Variants in PACS1 observed in about 807,000 individuals in gnomAD.
PACS1 encodes phosphofurin acidic cluster sorting protein 1, also known as PACS-1.
A neutral mutation model predicts 115.0 loss-of-function variants in PACS1; 24 were observed. The ratio of observed to expected loss-of-function variants is 0.21; its 90% confidence interval spans 0.15 to 0.29. The LOEUF is 0.29. Among genes scored for constraint, PACS1 ranks in the 10% least tolerant of loss-of-function variants. PACS1 has a pLI of 1.00. For missense variants in PACS1, 838 were observed against 1,251.2 expected, an observed-to-expected ratio of 0.67 and a Z score of 4.98; for synonymous variants, 453 against 504.5, an observed-to-expected ratio of 0.90 and a Z score of 1.37.
chr11:66,160,799 G>A (rs946650904), intron 1 of PACS1, among the ~76,000 whole-genome samples: 2 of 151,558 alleles, frequency 1.3e-5, no homozygotes, highest in African/African-American at 2.4e-5. Context: ...TGGGATTATA[G>A]GTGTGAGCCA....
chr11:66,183,530 G>A (rs565932648), intron 1 of PACS1, among the ~76,000 whole-genome samples: 1 of 152,196 alleles, frequency 6.6e-6, no homozygotes, highest in Admixed American at 6.5e-5. Flanking sequence ...GGACAAAGGA[G>A]TAATCCAGGT....
At position 66,070,301 on chromosome 11, in the gene PACS1, G is replaced by T. The variant is rs1208429584; in HGVS notation, c.-186G>T. On this transcript the variant is annotated 5_prime_UTR_variant, in exon 1 of 24. Transcript: ENST00000320580. The surrounding 1 kb of genome is among the most constrained non-coding windows in gnomAD (Gnocchi z 5.9). ...GTGTCGGCCTCGCGAGCCGCAACAGGCAGCGGCGGTCGAGCGCGAGGCCCG... is the reference window on the plus strand; with the variant it reads ...GTGTCGGCCTCGCGAGCCGCAACAGTCAGCGGCGGTCGAGCGCGAGGCCCG... 2.2e-5 allele frequency: 4 copies of T among 181,760 alleles called. No individual in the cohort carries two copies. Among genetic ancestry groups the T allele is most frequent in the Non-Finnish European group, 4.4e-5 (4 of 90,920 alleles). 11.3% of individuals were successfully genotyped at this position (181,760 alleles called of 1,614,324 possible).
At chr11:66,231,019 G>A in intron 13 of PACS1, 79 bp downstream of exon 13, 1 of 1,546,506 alleles carries the variant, frequency 6.5e-7, no homozygotes, top group East Asian at 2.2e-5. Flanking sequence ...GGCTTCCTTG[G>A]ACAGTTAGTT....
chr11:66,167,686 G>T (rs962079291), intron 1 of PACS1, among the ~76,000 whole-genome samples: 2 of 150,164 alleles, frequency 1.3e-5, no homozygotes, highest in African/African-American at 5.1e-5. Context: ...TAAGCTACAT[G>T]AAGACTATTT....
intron 2 of PACS1, among the ~76,000 whole-genome samples, chr11:66,197,432 T>G (rs1410970386): frequency 6.6e-6 from 1 of 152,142 alleles, no homozygotes; most frequent in East Asian, 1.9e-4. Flanking sequence ...GAAAAAAAAT[T>G]TTTACTTTGC....
intron 1 of PACS1, among the ~76,000 whole-genome samples, chr11:66,181,166 GAAGT>G (rs1040266984): frequency 2.4e-4 from 37 of 151,176 alleles, no homozygotes; most frequent in African/African-American, 9.0e-4. Flanking sequence ...TTATGTTAAG[GAAGT>G]ATTTTTTCTG....
Position 66,227,567 on chromosome 11 carries a change from A to C in PACS1, c.1357A>C (p.Thr453Pro). The C allele has an allele frequency of 6.2e-7, 1 of 1,608,990 alleles. No homozygotes were observed. The change falls in exon 11 of 24, where the codon ACT becomes CCT. Residue 453 changes from threonine (T) to proline (P), a missense_variant. By Grantham distance (38) the Thr-to-Pro change is conservative. Coordinates refer to ENST00000320580, the MANE Select transcript of PACS1 (RefSeq NM_018026.4). ...GATTAAAAACCAAGATGACAGCTTG[A>C]CTGAAACAGACACTCTGGTATGTAT... Reference protein sequence around the residue: ...TWIKNQDDSLTETDTLEITDQ... With the variant: ...TWIKNQDDSLPETDTLEITDQ...
In PACS1 at chr11:66,241,489, C is replaced by G. The variant is rs1338990805; in HGVS notation, c.2492C>G (p.Pro831Arg). Residue 831 changes from proline (P) to arginine (R), a missense_variant, in exon 22 of 24, where the codon CCC (proline) becomes CGC (arginine). This residue lies in a region of PACS1 where 84 missense variants were observed against 187.1 expected (regional missense o/e 0.45). Transcript: ENST00000320580. The stretch of plus-strand genomic sequence containing the variant: ...CAGGTGGACTACTGGCTGGGCCACC[C>G]CGGGGAGCGGAGGAGGGAAGGCGAC... ...GLQVDYWLGH[P>R]GERRREGDKR... The G allele has an allele frequency of 6.2e-7, 1 of 1,613,044 alleles. No homozygotes were observed. The highest frequency in any genetic ancestry group is 1.3e-5 in the African/African-American group (1 of 74,934).
chr11:66,144,698 A>C (rs1250676708), intron 1 of PACS1, among the ~76,000 whole-genome samples: 1 of 152,226 alleles, frequency 6.6e-6, no homozygotes, highest in Admixed American at 6.5e-5. Flanking sequence ...CAGTGGCACA[A>C]TCTCGGCTCG....
chr11:66,091,912 A>G (rs1435087517), intron 1 of PACS1, among the ~76,000 whole-genome samples: 2 of 152,010 alleles, frequency 1.3e-5, no homozygotes, highest in African/African-American at 4.8e-5. Flanking sequence ...TTCTTAATCC[A>G]GTCTATCATT....
At chr11:66,081,092 G>C (rs1857468403) in intron 1 of PACS1, among the ~76,000 whole-genome samples, 1 of 152,048 alleles carries the variant, frequency 6.6e-6, no homozygotes, top group African/African-American at 2.4e-5. Flanking sequence ...AATTAGCTGG[G>C]CTTGGTGGCA....
At chr11:66,084,346 G>C (rs949177988) in intron 1 of PACS1, 1 of 152,346 alleles carries the variant, frequency 6.6e-6, no homozygotes, top group Admixed American at 6.5e-5. Flanking sequence ...ATTAAAGAGA[G>C]AGTAATGGAT....
At chr11:66,097,107 T>C (rs936515437) in intron 1 of PACS1, among the ~76,000 whole-genome samples, 1 of 150,042 alleles carries the variant, frequency 6.7e-6, no homozygotes, top group Admixed American at 6.6e-5. Flanking sequence ...AAAGTGATTG[T>C]ATCAGTTTGC....
At chr11:66,143,024 C>T (rs878958755) in intron 1 of PACS1, among the ~76,000 whole-genome samples, 1 of 151,880 alleles carries the variant, frequency 6.6e-6, no homozygotes, top group African/African-American at 2.4e-5. Flanking sequence ...ATTAATCTAT[C>T]TAGGAGGGAC....
chr11:66,153,582 C>G (rs905194318), intron 1 of PACS1, among the ~76,000 whole-genome samples: 1 of 152,078 alleles, frequency 6.6e-6, no homozygotes, highest in Non-Finnish European at 1.5e-5. Flanking sequence ...GAGATCGAGA[C>G]CATCCTGGCT....
In PACS1 at chr11:66,241,425, A is replaced by G; in HGVS notation, c.2430-2A>G. ...CCTCTCCTCTTTGTTCCCTTTCCTC[A>G]GGAGCCCTAATAGCCCATATGGGGA... On this transcript the variant is annotated splice_acceptor_variant, in intron 21 of 23. Coordinates refer to ENST00000320580, the MANE Select transcript of PACS1 (RefSeq NM_018026.4). LOFTEE classifies it high-confidence loss of function. 6.3e-7 allele frequency: 1 copy of G among 1,580,504 alleles called. No individual in the cohort carries two copies. Among genetic ancestry groups the G allele is most frequent in the Non-Finnish European group, 8.6e-7 (1 of 1,161,842 alleles).
At position 66,207,628 on chromosome 11, in the gene PACS1, C is replaced by T. The variant is rs997146888; in HGVS notation, c.445-2734C>T. On this transcript the variant is annotated intron_variant, in intron 2 of 23. Transcript: ENST00000320580. ...TTCAGTTGCCACTATAGCACTCGAGCTTCCGGGTGTCCTGAGGCCCTGGCC... is the reference window on the plus strand; with the variant it reads ...TTCAGTTGCCACTATAGCACTCGAGTTTCCGGGTGTCCTGAGGCCCTGGCC... 5.3e-5 allele frequency among the ~76,000 whole-genome samples: 8 copies of T among 152,306 alleles called. No homozygotes were observed. In the East Asian group the frequency reaches 1.4e-3, roughly 26 times the overall value.
intron 1 of PACS1, among the ~76,000 whole-genome samples, chr11:66,156,709 C>G (rs1859370298): frequency 6.6e-6 from 1 of 151,966 alleles, no homozygotes; most frequent in Non-Finnish European, 1.5e-5. Context: ...AAAAAATTAC[C>G]CGGGCGTGGT....
At chr11:66,111,000 G>T (rs1386538872) in intron 1 of PACS1, among the ~76,000 whole-genome samples, 1 of 152,154 alleles carries the variant, frequency 6.6e-6, no homozygotes, top group Non-Finnish European at 1.5e-5. Flanking sequence ...GCTGCTAGAG[G>T]TATATATACA....
Sources: allele counts gnomAD v4.1 joint callset (sites outside exome capture counted in the v4.1 genomes callset), GRCh38; gene constraint gnomAD v4.1.1; regional missense constraint gnomAD v4.1.1; non-coding constraint Gnocchi (gnomAD v3.1); transcripts MANE v1.5; gene names NCBI Gene and HGNC (gene_info 2026-07-23, HGNC 2026-07-21).